The following PARP4 variants were observed in gnomAD, a reference collection of about 807,000 sequenced individuals.
PARP4 encodes the protein protein mono-ADP-ribosyltransferase PARP4.
PARP4 carries 120 observed loss-of-function variants against 187.7 expected under a neutral mutation model. The ratio of observed to expected loss-of-function variants is 0.64; its 90% confidence interval spans 0.55 to 0.74. The LOEUF is 0.74. PARP4 is among the 30% of genes least tolerant of loss of function. PARP4 has a pLI of 0.00. For missense variants in PARP4, 1,836 were observed against 2,070.5 expected (o/e 0.89, Z 2.20); for synonymous variants, 654 against 740.9 (o/e 0.88, Z 1.90).
chr13:24,426,719 C>G (rs1360145765), intron 32 of PARP4, 121 bp from the exon 33 acceptor site: 8 of 824,926 alleles, frequency 9.7e-6, no homozygotes, highest in Non-Finnish European at 1.5e-5. Context: ...GAAACTCCAT[C>G]TCTGCTAAAA....
chr13:24,450,983 C>T (rs369362088), intron 24 of PARP4, among the ~76,000 whole-genome samples: 114 of 152,328 alleles, frequency 7.5e-4, no homozygotes, highest in African/African-American at 2.7e-3. Context: ...TGGAGCGATC[C>T]TCCTGCTTTG....
At position 24,511,614 on chromosome 13, in the gene PARP4, T is replaced by C. The variant is rs551097342; in HGVS notation, c.-2+1092A>G. On this transcript the variant is annotated intron_variant, in intron 1 of 33. Coordinates refer to ENST00000381989, the MANE Select transcript of PARP4 (RefSeq NM_006437.4). ...GCTTCCTGCTTCACAGGTCTTCGTCTTTACCACTGGCATTTCCTCCTCTCG... is the reference window on the plus strand; with the variant it reads ...GCTTCCTGCTTCACAGGTCTTCGTCCTTACCACTGGCATTTCCTCCTCTCG... Among the ~76,000 whole-genome samples the C allele has an allele frequency of 1.7e-4, 26 of 152,330 alleles. No homozygotes were observed. In the East Asian group the frequency reaches 5.0e-3, roughly 29 times the overall value.
intron 18 of PARP4, chr13:24,459,530 T>TACACACAC (rs1312201656): frequency 6.4e-6 from 2 of 312,356 alleles, no homozygotes; most frequent in East Asian, 5.4e-5. Context: ...TGTCTGTGTG[T>TACACACAC]ATACACACAC....
intron 29 of PARP4, 62 bp from the exon 30 acceptor site, chr13:24,442,030 C>T (rs1870955063): frequency 2.9e-6 from 4 of 1,383,490 alleles, no homozygotes; most frequent in Admixed American, 2.2e-5. Context: ...GATGACTACA[C>T]ATTCTAAAGC....
rs770796688 is a variant in PARP4, at chr13:24,498,192, TCCA to T, written c.512_514del (p.Val171del). On this transcript the variant is annotated inframe_deletion, in exon 6 of 34. Transcript: ENST00000381989. The stretch of plus-strand genomic sequence containing the variant: ...CCTGGAGTCCCGCGAACACTGAAGC[TCCA>T]CCACCACAGCTTCCTGGCCTCCCTC... 1.6e-4 allele frequency: 253 copies of T among 1,613,486 alleles called. 2 individuals carry two copies. In the South Asian group the frequency reaches 1.8e-3, roughly 11 times the overall value.
At chr13:24,504,740 C>G (rs1011459497) in intron 1 of PARP4, among the ~76,000 whole-genome samples, 2 of 152,034 alleles carry the variant, frequency 1.3e-5, no homozygotes, top group African/African-American at 4.8e-5. Context: ...GTCACCCACG[C>G]TGGAGTGCAC....
rs577329739 is a variant in PARP4, at chr13:24,465,526, A to T, written c.2133+3498T>A. ...CTCACAAACTAACACAGGAACAGAA[A>T]ACTGAACACAGGATGTTCTTACTTA... On this transcript the variant is annotated intron_variant, in intron 17 of 33. Coordinates refer to ENST00000381989, the MANE Select transcript of PARP4 (RefSeq NM_006437.4). Among the ~76,000 whole-genome samples the T allele has an allele frequency of 3.9e-5, 6 of 152,328 alleles. No individual in the cohort carries two copies. The East Asian group carries it at 1.2e-3, about 29-fold the overall frequency.
Position 24,435,006 on chromosome 13 carries a change from G to C in PARP4, c.4135C>G (p.Gln1379Glu), listed in dbSNP as rs1870546084. The C allele has an allele frequency of 1.9e-6, 3 of 1,613,872 alleles. No individual in the cohort carries two copies. Among genetic ancestry groups the C allele is most frequent in the Non-Finnish European group, 2.5e-6 (3 of 1,180,048 alleles). ...GGTCCTGTGGGACAAGACGCCGACT[G>C]TGGGATCCAGTCAGCACAAGTGCCA... ...VPGTCADWIP[Q>E]SASCPTGPPQ... Residue 1379 changes from glutamine (Q) to glutamate (E), a missense_variant, in exon 31 of 34, where the codon CAG becomes GAG. Gln to Glu is a conservative substitution (Grantham distance 29). Transcript: ENST00000381989.
chr13:24,472,089 C>T (rs1872749410), intron 15 of PARP4, among the ~76,000 whole-genome samples: 1 of 152,186 alleles, frequency 6.6e-6, no homozygotes, highest in African/African-American at 2.4e-5. Context: ...TCAGAATGAT[C>T]TGAGTTCAAA....
intron 24 of PARP4, among the ~76,000 whole-genome samples, chr13:24,450,530 T>C (rs1483334229): frequency 2.0e-5 from 3 of 152,128 alleles, no homozygotes; most frequent in Non-Finnish European, 4.4e-5. Context: ...GACTAGAAGA[T>C]CCCTAACATG....
Position 24,434,595 on chromosome 13 carries a change from A to G in PARP4, c.4546T>C (p.Phe1516Leu). ...TCTGTGTCAGAACTTTGAAAAGCAA[A>G]GACAGGACATCGACTTCCTTCGAGA... Reference protein sequence around the residue: ...GSLEGSRCPVFAFQSSDTESD... With the variant: ...GSLEGSRCPVLAFQSSDTESD... The change falls in exon 31 of 34, where the codon TTT becomes CTT. Residue 1516 changes from phenylalanine (F) to leucine (L), a missense_variant. By Grantham distance (22) the Phe-to-Leu change is conservative. This residue lies in a region of PARP4 where 450 missense variants were observed against 439.2 expected (regional missense o/e 1.02). Transcript: ENST00000381989. 5.0e-6 allele frequency: 8 copies of G among 1,612,536 alleles called. No individual in the cohort carries two copies. The highest frequency in any genetic ancestry group is 6.8e-6 in the Non-Finnish European group (8 of 1,178,726).
At chr13:24,422,134 A>G (rs1194371904) in intron 33 of PARP4, among the ~76,000 whole-genome samples, 1 of 152,182 alleles carries the variant, frequency 6.6e-6, no homozygotes, top group African/African-American at 2.4e-5. Flanking sequence ...CTGCAATCAC[A>G]TGATATTGGC....
chr13:24,508,639 G>A (rs1330679143), intron 1 of PARP4, among the ~76,000 whole-genome samples: 1 of 152,084 alleles, frequency 6.6e-6, no homozygotes, highest in South Asian at 2.1e-4. Context: ...TCAGCCTCCC[G>A]AGTAGCTGGG....
chr13:24,450,678 T>TTA (rs1200030627), intron 24 of PARP4, among the ~76,000 whole-genome samples: 1 of 152,158 alleles, frequency 6.6e-6, no homozygotes, highest in Non-Finnish European at 1.5e-5. Flanking sequence ...GAAGCTCACT[T>TTA]TACTAGAGTT....
chr13:24,485,032 A>C (rs759172940), intron 11 of PARP4, among the ~76,000 whole-genome samples: 7 of 152,268 alleles, frequency 4.6e-5, no homozygotes, highest in Non-Finnish European at 1.0e-4. Context: ...TTATTTTAAG[A>C]AGATTCTCCC....
At chr13:24,433,964 T>C (rs2137440149) in intron 31 of PARP4, among the ~76,000 whole-genome samples, 1 of 152,198 alleles carries the variant, frequency 6.6e-6, no homozygotes, top group East Asian at 1.9e-4. Flanking sequence ...AATATCTGTA[T>C]TCCCATGACC....
intron 14 of PARP4, among the ~76,000 whole-genome samples, chr13:24,476,080 C>T (rs1245100764): frequency 6.6e-6 from 1 of 152,074 alleles, no homozygotes; most frequent in East Asian, 1.9e-4. Context: ...AGACACTACA[C>T]CTGGCCTGCC....
At position 24,428,918 on chromosome 13, in the gene PARP4, T is replaced by C. The variant is rs530922446; in HGVS notation, c.4847-2320A>G. On this transcript the variant is annotated intron_variant, in intron 32 of 33. Coordinates refer to ENST00000381989, the MANE Select transcript of PARP4 (RefSeq NM_006437.4). Reference sequence around the variant, plus strand: ...ACAAAAATGTTCAAATATTTTTCTATCTAACCTTTCACCTTCTGAAACCCT... The same window carrying C: ...ACAAAAATGTTCAAATATTTTTCTACCTAACCTTTCACCTTCTGAAACCCT... 4.6e-5 allele frequency among the ~76,000 whole-genome samples: 7 copies of C among 152,334 alleles called. No homozygotes were observed. The South Asian group carries it at 1.4e-3, about 32-fold the overall frequency.
intron 22 of PARP4, among the ~76,000 whole-genome samples, chr13:24,454,065 C>T (rs1470339495): frequency 2.6e-5 from 4 of 151,164 alleles, no homozygotes; most frequent in Non-Finnish European, 5.9e-5. Context: ...CCACCGCACT[C>T]CAGCCTGGGC....
Sources: allele counts gnomAD v4.1 joint callset (sites outside exome capture counted in the v4.1 genomes callset), GRCh38; gene constraint gnomAD v4.1.1; regional missense constraint gnomAD v4.1.1; transcripts MANE v1.5; gene names NCBI Gene and HGNC (gene_info 2026-07-23, HGNC 2026-07-21).